ZNF609: variants seen among roughly 807,000 people sequenced by gnomAD.
ZNF609 encodes zinc finger protein 609.
Under a neutral mutation model 109.5 loss-of-function variants are expected in ZNF609, and 11 were observed. The ratio of observed to expected loss-of-function variants is 0.10; its 90% CI spans 0.06 to 0.17. The LOEUF (loss-of-function observed/expected upper bound fraction) is 0.17. Ranked by LOEUF, ZNF609 falls within the 10% of genes least tolerant of loss-of-function variation. The probability of loss-of-function intolerance (pLI) is 1.00; values close to 1 mark genes in which losing one functional copy is unlikely to be tolerated. For missense variants in ZNF609, 1,559 were observed against 1,772.4 expected (o/e 0.88, Z 2.16); for synonymous variants, 646 against 662.0 (o/e 0.98, Z 0.37).
chr15:64,527,855 T>G (rs555203798), intron 2 of ZNF609, among the ~76,000 whole-genome samples: 36 of 152,290 alleles, frequency 2.4e-4, no homozygotes, highest in Admixed American at 5.2e-4. Flanking sequence ...TTGTTGCCAC[T>G]TCCTTTGTTC....
intron 2 of ZNF609, among the ~76,000 whole-genome samples, chr15:64,598,179 GTC>G (rs1465704774): frequency 6.6e-6 from 1 of 152,096 alleles, no homozygotes; most frequent in Non-Finnish European, 1.5e-5. Flanking sequence ...CAGTGGCACG[GTC>G]TCAGCTCACT....
At chr15:64,640,775 A>T (rs1283725260) in intron 3 of ZNF609, among the ~76,000 whole-genome samples, 1 of 152,226 alleles carries the variant, frequency 6.6e-6, no homozygotes, top group Non-Finnish European at 1.5e-5. Context: ...TTCTCCAGCC[A>T]TGGCTGCAGG....
intron 3 of ZNF609, 109 bp from the exon 4 acceptor site, chr15:64,670,237 A>G: frequency 1.2e-6 from 1 of 843,144 alleles, no homozygotes; most frequent in Non-Finnish European, 2.0e-6. Context: ...TGGTACCCAG[A>G]GTACCTCCTA....
intron 4 of ZNF609, 70 bp downstream of exon 4, chr15:64,670,503 T>C: frequency 7.6e-7 from 1 of 1,318,644 alleles, no homozygotes; most frequent in Non-Finnish European, 1.1e-6. Flanking sequence ...TATACTTTTA[T>C]CCTGCTAGAG....
chr15:64,495,230 A>G (rs886150200), intron 1 of ZNF609, among the ~76,000 whole-genome samples: 10 of 152,232 alleles, frequency 6.6e-5, no homozygotes, highest in African/African-American at 2.4e-4. Context: ...TTTGAGGTAC[A>G]TTATCAAAGT....
At chr15:64,501,828 T>A (rs1893566569) in intron 2 of ZNF609, 1 of 152,214 alleles carries the variant, frequency 6.6e-6, no homozygotes, top group Admixed American at 6.5e-5. Flanking sequence ...ATGAAAGGAT[T>A]AATATTGCTT....
chr15:64,645,435 AT>A (rs550464934), intron 3 of ZNF609, among the ~76,000 whole-genome samples: 102 of 146,966 alleles, frequency 6.9e-4, no homozygotes, highest in Admixed American at 1.8e-3. Context: ...TTTTCCTCTG[AT>A]TTTTTTTTTT....
At chr15:64,563,455 A>T (rs1222498409) in intron 2 of ZNF609, among the ~76,000 whole-genome samples, 1 of 151,982 alleles carries the variant, frequency 6.6e-6, no homozygotes, top group African/African-American at 2.4e-5. Context: ...TGCCTCAAAA[A>T]AAAAAAAATA....
chr15:64,554,830 C>G (rs1595716681), intron 2 of ZNF609, among the ~76,000 whole-genome samples: 1 of 152,164 alleles, frequency 6.6e-6, no homozygotes, highest in Admixed American at 6.5e-5. Context: ...GGTGTGGTGG[C>G]TCACACCTGT....
rs902403981 is a variant in ZNF609, at chr15:64,654,818, C to T, written c.974-15528C>T. Among the ~76,000 whole-genome samples the T allele has an allele frequency of 4.6e-5, 7 of 152,212 alleles. No homozygotes were observed. In the South Asian group the frequency reaches 6.2e-4, roughly 14 times the overall value. On this transcript the variant is annotated intron_variant, in intron 3 of 9. Coordinates refer to ENST00000326648, the MANE Select transcript of ZNF609 (RefSeq NM_015042.2). Reference sequence around the variant, plus strand: ...CTTAAAAGCATAGCGCCAAGTGGGCCGGGCACGGTGGCTCACGCCTGTAAT... The same window carrying T: ...CTTAAAAGCATAGCGCCAAGTGGGCTGGGCACGGTGGCTCACGCCTGTAAT...
At chr15:64,553,823 C>T (rs991423709) in intron 2 of ZNF609, among the ~76,000 whole-genome samples, 1 of 152,024 alleles carries the variant, frequency 6.6e-6, no homozygotes, top group Admixed American at 6.6e-5. Context: ...AGGTCTCGAT[C>T]TCCTGACCTC....
chr15:64,500,343 C>T, intron 2 of ZNF609, 177 bp downstream of exon 2: 2 of 899,596 alleles, frequency 2.2e-6, no homozygotes, highest in Non-Finnish European at 3.5e-6. Context: ...GAGGATTCCC[C>T]TACAGACTCA....
chr15:64,609,100 CT>C lies in ZNF609; in HGVS notation c.748-13724del, dbSNP rs1222504453. Among the ~76,000 whole-genome samples, 13 of 33,234 alleles carry C rather than the reference CT, an allele frequency of 3.9e-4. 1 individual carries two copies. The highest frequency in any genetic ancestry group is 2.6e-3 in the Admixed American group (6 of 2,324). 21.8% of individuals were successfully genotyped at this position (33,234 alleles called of 152,430 possible). A position where few individuals can be genotyped will look rare whatever the true frequency, so the allele number is the denominator to read the frequency against. On this transcript the variant is annotated intron_variant, in intron 2 of 9. Coordinates refer to ENST00000326648, the MANE Select transcript of ZNF609 (RefSeq NM_015042.2). Reference sequence around the variant, plus strand: ...TCTTTCTTTCTTTCTTTCTTTCTTTCTTTCTTTCTTTCTTTCTTTCTTTCTT... The same window carrying C: ...TCTTTCTTTCTTTCTTTCTTTCTTTCTTCTTTCTTTCTTTCTTTCTTTCTT...
At chr15:64,673,797 A>G (rs1255012585) in intron 4 of ZNF609, 119 bp from the exon 5 acceptor site, 1 of 1,180,556 alleles carries the variant, frequency 8.5e-7, no homozygotes, top group African/African-American at 1.5e-5. Context: ...TTCTTTTAAC[A>G]AATCATATTC....
At chr15:64,641,215 C>CTTTTTTTT (rs1437729494) in intron 3 of ZNF609, among the ~76,000 whole-genome samples, 3 of 18,124 alleles carry the variant, frequency 1.7e-4, no homozygotes, top group African/African-American at 4.6e-4. Flanking sequence ...TACACTTGTG[C>CTTTTTTTT]TTTCTTTTTT....
chr15:64,460,975 G>A (rs1442819397), intron 1 of ZNF609, 137 bp downstream of exon 1: 1 of 102,896 alleles, frequency 9.7e-6, no homozygotes, highest in Non-Finnish European at 2.0e-5. Flanking sequence ...GGGTTGGGGG[G>A]GCTGGGGCGG....
At chr15:64,609,064 T>TTTTCTCTTTC (rs1555422616) in intron 2 of ZNF609, among the ~76,000 whole-genome samples, 3 of 119,032 alleles carry the variant, frequency 2.5e-5, no homozygotes, top group Admixed American at 8.4e-5. Context: ...TAGTTTTAAT[T>TTTTCTCTTTC]TTTCTTTCTT....
intron 2 of ZNF609, chr15:64,529,015 A>G: frequency 6.7e-7 from 1 of 1,501,954 alleles, no homozygotes; most frequent in South Asian, 1.2e-5. Context: ...CTCAGGGATG[A>G]CCTTACCCAC....
chr15:64,622,735 G>T (rs1895895892), intron 2 of ZNF609, 92 bp from the exon 3 acceptor site: 1 of 1,113,010 alleles, frequency 9.0e-7, no homozygotes, highest in Admixed American at 1.8e-5. Flanking sequence ...ACTCTGGCAG[G>T]AATAGATATA....
Sources: allele counts gnomAD v4.1 joint callset (sites outside exome capture counted in the v4.1 genomes callset), GRCh38; gene constraint gnomAD v4.1.1; transcripts MANE v1.5; gene names NCBI Gene and HGNC (gene_info 2026-07-23, HGNC 2026-07-21).